SND1: variants seen among roughly 807,000 people sequenced by gnomAD.
SND1 encodes staphylococcal nuclease domain-containing protein 1.
In SND1, 38 loss-of-function variants were observed where a neutral mutation model predicts 121.7. The observed-to-expected ratio is 0.31, with a 90% confidence interval of 0.24 to 0.41. The LOEUF (loss-of-function observed/expected upper bound fraction) is 0.41. Among genes scored for constraint, SND1 ranks in the 10% least tolerant of loss-of-function variants. SND1 has a pLI of 1.00. For missense variants in SND1, 868 were observed against 1,184.6 expected, an observed-to-expected ratio of 0.73 and a Z score of 3.92; for synonymous variants, 401 against 447.4, an observed-to-expected ratio of 0.90 and a Z score of 1.31.
intron 10 of SND1, among the ~76,000 whole-genome samples, chr7:127,734,487 G>A (rs1796738496): frequency 6.6e-6 from 1 of 152,208 alleles, no homozygotes. Context: ...TATATTAGCT[G>A]AACTCGGTAA....
intron 15 of SND1, among the ~76,000 whole-genome samples, chr7:127,983,189 G>T (rs1249015218): frequency 6.6e-6 from 1 of 152,180 alleles, no homozygotes; most frequent in Non-Finnish European, 1.5e-5. Flanking sequence ...GGTGGTATGG[G>T]AAAGTATAGA....
intron 10 of SND1, among the ~76,000 whole-genome samples, chr7:127,797,926 C>T (rs1446886658): frequency 6.6e-6 from 1 of 152,194 alleles, no homozygotes; most frequent in Admixed American, 6.5e-5. Flanking sequence ...ATTTCCTCCC[C>T]ATCCTTCTCT....
At chr7:127,940,230 C>T (rs1395741607) in intron 15 of SND1, among the ~76,000 whole-genome samples, 1 of 152,162 alleles carries the variant, frequency 6.6e-6, no homozygotes, top group Non-Finnish European at 1.5e-5. Context: ...CAGCACCTGT[C>T]TCGTTGGTTG....
chr7:127,700,401 C>T lies in SND1; in HGVS notation c.429-762C>T, dbSNP rs558993063. On this transcript the variant is annotated intron_variant, in intron 4 of 23. Transcript: ENST00000354725. ...TGGTAGGTCATCCTTGCTTAGGAGT[C>T]CCTCCTGCTGAAGATGAGAAGAGAT... Among the ~76,000 whole-genome samples the T allele has an allele frequency of 5.3e-5, 8 of 152,262 alleles. No individual in the cohort carries two copies. In the South Asian group the frequency reaches 1.7e-3, roughly 32 times the overall value.
At chr7:127,873,510 C>T (rs1046901651) in intron 12 of SND1, among the ~76,000 whole-genome samples, 1 of 152,170 alleles carries the variant, frequency 6.6e-6, no homozygotes, top group African/African-American at 2.4e-5. Context: ...TTACCTGAGC[C>T]TTCAAGACTT....
At chr7:127,870,302 G>A (rs928784937) in intron 12 of SND1, among the ~76,000 whole-genome samples, 3 of 152,240 alleles carry the variant, frequency 2.0e-5, no homozygotes, top group African/African-American at 7.2e-5. Flanking sequence ...GCTCATAGTG[G>A]TTTTATTGAC....
intron 11 of SND1, among the ~76,000 whole-genome samples, chr7:127,841,438 T>A (rs551739907): frequency 6.6e-6 from 1 of 152,320 alleles, no homozygotes; most frequent in South Asian, 2.1e-4. Context: ...CCCTGTGGCC[T>A]TGTCCTATTT....
chr7:127,744,600 G>T (rs1041742062), intron 10 of SND1, among the ~76,000 whole-genome samples: 1 of 152,110 alleles, frequency 6.6e-6, no homozygotes, highest in Non-Finnish European at 1.5e-5. Flanking sequence ...CTTCTTAGCT[G>T]CCCTATGCTT....
At chr7:127,723,620 G>A (rs1029344588) in intron 10 of SND1, among the ~76,000 whole-genome samples, 2 of 152,194 alleles carry the variant, frequency 1.3e-5, no homozygotes, top group Admixed American at 1.3e-4. Flanking sequence ...ACCCTGAAGA[G>A]TAGCCGGTTT....
At chr7:127,689,881 A>G (rs897896882) in intron 2 of SND1, among the ~76,000 whole-genome samples, 4 of 151,546 alleles carry the variant, frequency 2.6e-5, no homozygotes, top group Non-Finnish European at 2.9e-5. Context: ...GTTACCAGTA[A>G]TGTCAATTGA....
intron 10 of SND1, among the ~76,000 whole-genome samples, chr7:127,747,747 T>C (rs952018791): frequency 1.3e-5 from 2 of 152,250 alleles, no homozygotes; most frequent in Non-Finnish European, 2.9e-5. Flanking sequence ...TAATAATTTT[T>C]AGCAGTGCTT....
intron 16 of SND1, chr7:128,030,163 C>T: frequency 1.2e-6 from 2 of 1,614,196 alleles, no homozygotes; most frequent in Non-Finnish European, 1.7e-6. Context: ...GGGATGCTTT[C>T]GATGGGGTTG....
chr7:127,911,777 G>A (rs975890736), intron 14 of SND1, among the ~76,000 whole-genome samples: 2 of 152,148 alleles, frequency 1.3e-5, no homozygotes, highest in African/African-American at 4.8e-5. Context: ...TAGGATTACA[G>A]GCATGAGCCA....
intron 14 of SND1, 151 bp from the exon 15 acceptor site, chr7:127,929,037 A>G (rs540692638): frequency 1.5e-6 from 1 of 670,892 alleles, no homozygotes; most frequent in Non-Finnish European, 2.6e-6. Flanking sequence ...CTGAGGCCTC[A>G]TGGGTATCAT....
chr7:127,988,173 T>C (rs1157048226), intron 15 of SND1, among the ~76,000 whole-genome samples: 1 of 152,238 alleles, frequency 6.6e-6, no homozygotes, highest in East Asian at 1.9e-4. Flanking sequence ...CAGTATCTTC[T>C]ATCTGTAGAT....
In SND1 at chr7:127,730,052, C is replaced by G. The variant is rs147283223; in HGVS notation, c.1152+8652C>G. Among the ~76,000 whole-genome samples, 387 of 151,872 alleles carry G rather than the reference C, an allele frequency of 2.5e-3. 2 individuals carry two copies. Among genetic ancestry groups the G allele is most frequent in the African/African-American group, 9.0e-3 (371 of 41,394 alleles). On this transcript the variant is annotated intron_variant, in intron 10 of 23. Transcript: ENST00000354725. ...GATCTCGGGTCACCACAGCCTCTGC[C>G]TCTGCCTCTGCCTTCAAGCGATTCT...
chr7:127,824,335 T>A (rs1318358473), intron 11 of SND1, among the ~76,000 whole-genome samples: 1 of 152,226 alleles, frequency 6.6e-6, no homozygotes, highest in African/African-American at 2.4e-5. Context: ...GGTGCTTTGT[T>A]CTTGGGAAAG....
intron 10 of SND1, among the ~76,000 whole-genome samples, chr7:127,801,840 G>A (rs1240040073): frequency 1.3e-5 from 2 of 152,002 alleles, no homozygotes; most frequent in African/African-American, 2.4e-5. Flanking sequence ...AAAAATTCAT[G>A]TATAGAACTC....
chr7:127,741,591 G>GTTGACTGTGTTGTGTTGACT (rs2116435366), intron 10 of SND1, among the ~76,000 whole-genome samples: 2 of 152,226 alleles, frequency 1.3e-5, no homozygotes, highest in African/African-American at 4.8e-5. Context: ...TGCTTGGTGA[G>GTTGACTGTGTTGTGTTGACT]GTGCTTCTCT....
Sources: gnomAD v4.1 joint callset for allele counts (sites outside exome capture counted in the v4.1 genomes callset) on GRCh38, gnomAD v4.1.1 for gene constraint, MANE v1.5 for transcripts, NCBI Gene and HGNC (gene_info 2026-07-23, HGNC 2026-07-21) for gene names.